KAZN: variants seen among roughly 807,000 people sequenced by gnomAD.
The protein encoded by KAZN is kazrin.
A neutral mutation model predicts 87.4 loss-of-function variants in KAZN; 40 were observed. The observed-to-expected ratio is 0.46, with a 90% confidence interval of 0.36 to 0.60. The LOEUF is 0.60. KAZN is among the 20% of genes least tolerant of loss of function. The pLI, the probability that KAZN is intolerant of heterozygous loss-of-function variation, is 0.00. For missense variants in KAZN, 898 were observed against 1,073.9 expected (o/e 0.84, Z 2.29); for synonymous variants, 466 against 458.3 (o/e 1.02, Z -0.22).
chr1:14,492,841 C>T (rs900535745), intron 2 of KAZN, among the ~76,000 whole-genome samples: 6 of 130,524 alleles, frequency 4.6e-5, no homozygotes, highest in African/African-American at 1.7e-4. Context: ...CACACACGTA[C>T]ACACACCATA....
At chr1:14,902,087 G>C (rs1412029573) in intron 1 of KAZN, among the ~76,000 whole-genome samples, 1 of 152,202 alleles carries the variant, frequency 6.6e-6, no homozygotes, top group African/African-American at 2.4e-5. Context: ...AGGCCCCCAG[G>C]AGTCCCGTGC....
intron 1 of KAZN, among the ~76,000 whole-genome samples, chr1:14,729,970 A>G (rs1280339497): frequency 2.0e-5 from 3 of 152,156 alleles, no homozygotes; most frequent in Admixed American, 2.0e-4. Context: ...TCGTTCCTGT[A>G]TTGTCTATCA....
chr1:14,631,007 T>C (rs1432472203), intron 1 of KAZN, among the ~76,000 whole-genome samples: 2 of 152,234 alleles, frequency 1.3e-5, no homozygotes, highest in African/African-American at 4.8e-5. Context: ...CCAAGCGTAT[T>C]GATCTTCTAG....
In KAZN at chr1:14,319,187, C is replaced by G. The variant is rs568882188; in HGVS notation, c.249+138595C>G. On this transcript the variant is annotated intron_variant, in intron 2 of 16. Coordinates refer to the KAZN transcript ENST00000636203. The stretch of plus-strand genomic sequence containing the variant: ...TTGTTTTCCTTTAGAGAGTGTATGG[C>G]TCTGTTCTGGGGGGTGGCAGTTAAT... Among the ~76,000 whole-genome samples, 76 of 151,712 alleles carry G rather than the reference C, an allele frequency of 5.0e-4. 2 individuals carry two copies. The highest frequency in any genetic ancestry group is 2.0e-3 in the Admixed American group (30 of 15,206).
chr1:15,053,779 C>A (rs1007067608), intron 4 of KAZN, among the ~76,000 whole-genome samples: 1 of 152,222 alleles, frequency 6.6e-6, no homozygotes, highest in Non-Finnish European at 1.5e-5. Flanking sequence ...GCACAGAGCG[C>A]GTGAGGGTGG....
chr1:15,112,874 G>A (rs138830904), intron 14 of KAZN: 2,624 of 228,106 alleles, frequency 0.012, 20 homozygotes, highest in Middle Eastern at 0.019. Context: ...GTTCTCTGGG[G>A]CGAGGGGGAT....
At chr1:14,761,008 C>T (rs1274942888) in intron 1 of KAZN, among the ~76,000 whole-genome samples, 1 of 152,182 alleles carries the variant, frequency 6.6e-6, no homozygotes, top group African/African-American at 2.4e-5. Flanking sequence ...AGGCAGCGGG[C>T]CAGATTTGGC....
chr1:14,175,948 A>C (rs1381169058), intron 1 of KAZN, among the ~76,000 whole-genome samples: 1 of 152,214 alleles, frequency 6.6e-6, no homozygotes, highest in Admixed American at 6.5e-5. Flanking sequence ...TCTTCTCCTC[A>C]TGGCTCAGCA....
At chr1:14,679,749 G>A (rs1640458477) in intron 1 of KAZN, among the ~76,000 whole-genome samples, 1 of 152,160 alleles carries the variant, frequency 6.6e-6, no homozygotes, top group Admixed American at 6.5e-5. Flanking sequence ...GCTTAGAGAG[G>A]TAAGAAACAT....
At chr1:14,411,059 A>T (rs1381005145) in intron 2 of KAZN, among the ~76,000 whole-genome samples, 1 of 152,248 alleles carries the variant, frequency 6.6e-6, no homozygotes, top group African/African-American at 2.4e-5. Flanking sequence ...TACAGGAAAG[A>T]TAAATTAAAA....
At chr1:14,672,665 C>T (rs1639983043) in intron 1 of KAZN, among the ~76,000 whole-genome samples, 1 of 152,204 alleles carries the variant, frequency 6.6e-6, no homozygotes, top group Non-Finnish European at 1.5e-5. Flanking sequence ...AGGGGGCTCA[C>T]AGAATCCAGA....
chr1:14,270,135 G>C (rs1248104645), intron 2 of KAZN, among the ~76,000 whole-genome samples: 1 of 152,112 alleles, frequency 6.6e-6, no homozygotes, highest in Non-Finnish European at 1.5e-5. Flanking sequence ...ATGAGTTTTG[G>C]TAGAGACAAA....
intron 1 of KAZN, among the ~76,000 whole-genome samples, chr1:14,905,998 C>A (rs1252069541): frequency 6.6e-6 from 1 of 151,398 alleles, no homozygotes; most frequent in Non-Finnish European, 1.5e-5. Flanking sequence ...GAGACCCCGT[C>A]TCTACTAAAA....
In KAZN at chr1:14,978,927, C is replaced by T. The variant is rs191053875; in HGVS notation, c.418+18052C>T. Among the ~76,000 whole-genome samples, 364 of 152,044 alleles carry T rather than the reference C, an allele frequency of 2.4e-3. 2 individuals are homozygous for T. The highest frequency in any genetic ancestry group is 8.3e-3 in the African/African-American group (343 of 41,504). On this transcript the variant is annotated intron_variant, in intron 2 of 14. Coordinates refer to ENST00000376030, the MANE Select transcript of KAZN (RefSeq NM_201628.3). Reference sequence around the variant, plus strand: ...GGAGGTTTTGGGGTATTTTTTGAGACGGAGTCTTGCTGTGTCACCCAGGCT... The same window carrying T: ...GGAGGTTTTGGGGTATTTTTTGAGATGGAGTCTTGCTGTGTCACCCAGGCT...
intron 1 of KAZN, among the ~76,000 whole-genome samples, chr1:14,806,918 C>A (rs1207356346): frequency 6.6e-6 from 1 of 152,232 alleles, no homozygotes; most frequent in Non-Finnish European, 1.5e-5. Flanking sequence ...CACATGCCCA[C>A]CTATCTTGCA....
chr1:13,996,904 G>A (rs1480788850), intron 1 of KAZN, among the ~76,000 whole-genome samples: 1 of 152,160 alleles, frequency 6.6e-6, no homozygotes, highest in Admixed American at 6.5e-5. Context: ...CCAACTGGAC[G>A]AGACCCTCCA....
At chr1:14,076,232 G>A (rs1488091010) in intron 1 of KAZN, among the ~76,000 whole-genome samples, 3 of 152,006 alleles carry the variant, frequency 2.0e-5, no homozygotes, top group Non-Finnish European at 2.9e-5. Context: ...GGTGAGCCGA[G>A]ATCACGTCAC....
intron 1 of KAZN, among the ~76,000 whole-genome samples, chr1:14,726,519 C>T (rs1395434904): frequency 6.6e-6 from 1 of 152,184 alleles, no homozygotes; most frequent in Non-Finnish European, 1.5e-5. Context: ...CAGAGCCTGT[C>T]CAAAGTCATC....
Position 14,272,504 on chromosome 1 carries a change from A to C in KAZN, c.249+91912A>C, listed in dbSNP as rs941809712. Among the ~76,000 whole-genome samples, 3 of 152,226 alleles carry C rather than the reference A, an allele frequency of 2.0e-5. 1 individual carries two copies. Among genetic ancestry groups the C allele is most frequent in the South Asian group, 4.1e-4 (2 of 4,836 alleles). Reference sequence around the variant, plus strand: ...AATATATTCAGCATTCATGTTTTGCATGCATGTTAGTGCATGACTTTCATA... The same window carrying C: ...AATATATTCAGCATTCATGTTTTGCCTGCATGTTAGTGCATGACTTTCATA... On this transcript the variant is annotated intron_variant, in intron 2 of 16. Transcript: ENST00000636203.
Sources: gnomAD v4.1 joint callset for allele counts (sites outside exome capture counted in the v4.1 genomes callset) on GRCh38, gnomAD v4.1.1 for gene constraint, MANE v1.5 for transcripts, NCBI Gene and HGNC (gene_info 2026-07-23, HGNC 2026-07-21) for gene names.